Variants in MSI2 observed in about 807,000 individuals in gnomAD.
MSI2 encodes RNA-binding protein Musashi homolog 2.
Under a neutral mutation model 45.6 loss-of-function variants are expected in MSI2, and 17 were observed. The observed-to-expected ratio is 0.37, with a 90% CI of 0.26 to 0.56. The LOEUF is 0.56. MSI2 is among the 20% of genes least tolerant of loss of function. The pLI, the probability that MSI2 is intolerant of heterozygous loss-of-function variation, is 0.77. For synonymous variants in MSI2, 156 were observed against 158.2 expected (o/e 0.99, Z 0.11); for missense variants, 293 against 444.2 (o/e 0.66, Z 3.06).
intron 10 of MSI2, among the ~76,000 whole-genome samples, chr17:57,644,195 A>C (rs1253550589): frequency 1.3e-5 from 2 of 151,236 alleles, no homozygotes; most frequent in Non-Finnish European, 2.9e-5. Context: ...TTTAAATGCC[A>C]AGGACGCCAG....
intron 7 of MSI2, among the ~76,000 whole-genome samples, chr17:57,542,751 T>A (rs2144133666): frequency 6.6e-6 from 1 of 152,322 alleles, no homozygotes; most frequent in Middle Eastern, 3.4e-3. Flanking sequence ...GGACCAGGTC[T>A]TTGAGCCTGG....
intron 6 of MSI2, among the ~76,000 whole-genome samples, chr17:57,441,254 G>A (rs953464826): frequency 6.6e-6 from 1 of 152,182 alleles, no homozygotes; most frequent in South Asian, 2.1e-4. Flanking sequence ...AAGGCCCAGG[G>A]CTGACTCTTT....
chr17:57,429,486 A>G (rs936716018), intron 6 of MSI2, among the ~76,000 whole-genome samples: 2 of 152,160 alleles, frequency 1.3e-5, no homozygotes, highest in Non-Finnish European at 2.9e-5. Flanking sequence ...CTCATTCAGC[A>G]TCCAGGGAGG....
chr17:57,297,611 C>T (rs1173045189), intron 5 of MSI2, among the ~76,000 whole-genome samples: 2 of 152,122 alleles, frequency 1.3e-5, no homozygotes, highest in African/African-American at 4.8e-5. Flanking sequence ...ATGAAGTTTG[C>T]TACATTGATT....
intron 10 of MSI2, among the ~76,000 whole-genome samples, chr17:57,635,146 G>A (rs964112083): frequency 6.6e-6 from 1 of 152,272 alleles, no homozygotes; most frequent in Non-Finnish European, 1.5e-5. Flanking sequence ...CCCAGGGACT[G>A]TGAGTAGTTC....
chr17:57,578,821 G>A lies in MSI2; in HGVS notation c.455-18047G>A, dbSNP rs184190384. Reference sequence around the variant, plus strand: ...AAATCATTATAAACCCTCTGGGACTGGTGGGTGTGTGATGATGCGGGGTTG... The same window carrying A: ...AAATCATTATAAACCCTCTGGGACTAGTGGGTGTGTGATGATGCGGGGTTG... On this transcript the variant is annotated intron_variant, in intron 7 of 13. Transcript: ENST00000284073. Among the ~76,000 whole-genome samples, 8 of 152,230 alleles carry A rather than the reference G, an allele frequency of 5.3e-5. No individual in the cohort carries two copies. In the South Asian group the frequency reaches 1.7e-3, roughly 32 times the overall value.
intron 5 of MSI2, chr17:57,286,072 CT>C: frequency 1.9e-6 from 2 of 1,074,750 alleles, no homozygotes; most frequent in South Asian, 4.2e-5. Context: ...CTTTCCCTCC[CT>C]TCCTTCTTTC....
intron 7 of MSI2, among the ~76,000 whole-genome samples, chr17:57,586,278 T>C (rs1220501199): frequency 6.6e-6 from 1 of 152,214 alleles, no homozygotes. Context: ...CCGCAGGCAC[T>C]TTCAAATCAC....
intron 6 of MSI2, among the ~76,000 whole-genome samples, chr17:57,494,551 G>C (rs568795470): frequency 5.4e-4 from 82 of 152,300 alleles, no homozygotes; most frequent in South Asian, 2.3e-3. Context: ...TGCATCTTTA[G>C]CCTTATAGAG....
chr17:57,549,768 G>A (rs931976912), intron 7 of MSI2, among the ~76,000 whole-genome samples: 1 of 152,202 alleles, frequency 6.6e-6, no homozygotes, highest in Admixed American at 6.5e-5. Context: ...CCTGTTTGAC[G>A]ATAGCTCCTT....
rs981584349 is a variant in MSI2 at position 57,421,544 on chromosome 17, C to T, written c.405+20073C>T. On this transcript the variant is annotated intron_variant, in intron 6 of 13. Coordinates refer to ENST00000284073, the MANE Select transcript of MSI2 (RefSeq NM_138962.4). Reference sequence around the variant, plus strand: ...TCTGTCCCTCCTCCCCATTCATTCTCCTCCTCCTCCTCCTTCTCCTCAGGC... The same window carrying T: ...TCTGTCCCTCCTCCCCATTCATTCTTCTCCTCCTCCTCCTTCTCCTCAGGC... 6.2e-5 allele frequency among the ~76,000 whole-genome samples: 4 copies of T among 64,648 alleles called. No individual in the cohort carries two copies. The East Asian group carries it at 3.5e-3, about 57-fold the overall frequency. 42.4% of individuals were successfully genotyped at this position (64,648 alleles called of 152,430 possible). A position where few individuals can be genotyped will look rare whatever the true frequency, so the allele number is the denominator to read the frequency against.
chr17:57,356,874 A>C (rs932859289), intron 5 of MSI2, among the ~76,000 whole-genome samples: 16 of 152,134 alleles, frequency 1.1e-4, no homozygotes, highest in Non-Finnish European at 2.1e-4. Flanking sequence ...AGAAAAAAAA[A>C]ATTAAACAGG....
At chr17:57,455,432 G>A (rs1419327738) in intron 6 of MSI2, among the ~76,000 whole-genome samples, 1 of 152,120 alleles carries the variant, frequency 6.6e-6, no homozygotes, top group African/African-American at 2.4e-5. Context: ...CCAACTTCCT[G>A]TGCAGCCGCT....
At chr17:57,367,095 A>G (rs1202850289) in intron 5 of MSI2, among the ~76,000 whole-genome samples, 1 of 152,204 alleles carries the variant, frequency 6.6e-6, no homozygotes, top group Non-Finnish European at 1.5e-5. Context: ...TGATATCTAA[A>G]TTAGACTTGC....
intron 8 of MSI2, among the ~76,000 whole-genome samples, chr17:57,604,180 C>T (rs982190616): frequency 2.0e-5 from 3 of 152,188 alleles, no homozygotes; most frequent in Non-Finnish European, 2.9e-5. Context: ...TCTGTGGTTC[C>T]CCTTTCTATA....
intron 5 of MSI2, among the ~76,000 whole-genome samples, chr17:57,396,134 G>A (rs893868055): frequency 6.6e-6 from 1 of 152,156 alleles, no homozygotes; most frequent in Admixed American, 6.5e-5. Context: ...ATAATAGCCA[G>A]AGCTGATTTA....
In MSI2 at chr17:57,546,316, A is replaced by T. The variant is rs1306876226; in HGVS notation, c.454+16592A>T. The stretch of plus-strand genomic sequence containing the variant: ...GCAGCGGCAACAAGGGACCGCGGTT[A>T]TTGTAATACTAATTGATTGGTTGGA... On this transcript the variant is annotated intron_variant, in intron 7 of 13. Coordinates refer to ENST00000284073, the MANE Select transcript of MSI2 (RefSeq NM_138962.4). 2.0e-5 allele frequency among the ~76,000 whole-genome samples: 3 copies of T among 152,236 alleles called. No homozygotes were observed. The South Asian group carries it at 6.2e-4, about 32-fold the overall frequency.
chr17:57,443,604 C>T lies in MSI2; in HGVS notation c.405+42133C>T, dbSNP rs543121472. Among the ~76,000 whole-genome samples the T allele has an allele frequency of 2.6e-5, 4 of 152,216 alleles. No homozygotes were observed. In the South Asian group the frequency reaches 6.2e-4, roughly 24 times the overall value. ...GGTGCCTAGGAGGGGTCTCTCAGGT[C>T]GAAGAGCAAGTTAGGGGCTGAGCTG... On this transcript the variant is annotated intron_variant, in intron 6 of 13. Transcript: ENST00000284073.
chr17:57,511,490 G>A (rs1323332104), intron 6 of MSI2, among the ~76,000 whole-genome samples: 1 of 152,088 alleles, frequency 6.6e-6, no homozygotes, highest in Non-Finnish European at 1.5e-5. Flanking sequence ...CTCGGCTTTC[G>A]AGACCATCTG....
Sources: allele counts gnomAD v4.1 joint callset (sites outside exome capture counted in the v4.1 genomes callset), GRCh38; gene constraint gnomAD v4.1.1; transcripts MANE v1.5; gene names NCBI Gene and HGNC (gene_info 2026-07-23, HGNC 2026-07-21).